The following KLHL2 variants were observed in gnomAD, a reference collection of about 807,000 sequenced individuals.
KLHL2 encodes the protein kelch like family member 2.
Under a neutral mutation model 75.8 loss-of-function variants are expected in KLHL2, and 15 were observed. The ratio of observed to expected loss-of-function variants is 0.20; its 90% CI spans 0.13 to 0.30. KLHL2 has a LOEUF of 0.30. KLHL2 is among the 10% of genes least tolerant of loss of function. The pLI, the probability that KLHL2 is intolerant of heterozygous loss-of-function variation, is 1.00. For missense variants in KLHL2, 381 were observed against 741.0 expected, an observed-to-expected ratio of 0.51 and a Z score of 5.64; for synonymous variants, 214 against 251.9, an observed-to-expected ratio of 0.85 and a Z score of 1.42.
In KLHL2 at chr4:165,263,185, T is replaced by C; in HGVS notation, c.382-12T>C. On this transcript the variant is annotated splice_polypyrimidine_tract_variant and intron_variant, in intron 4 of 14. Transcript: ENST00000226725. ...ACCCAAGTGCCTAAGAATATTGATG[T>C]GTGTGTTGCAGGTACTTCTCCCAGC... 1 of 1,612,302 alleles carries C rather than the reference T, an allele frequency of 6.2e-7. No homozygotes were observed. Among genetic ancestry groups the C allele is most frequent in the Non-Finnish European group, 8.5e-7 (1 of 1,178,682 alleles).
chr4:165,320,945 C>G (rs1409540285), intron 14 of KLHL2, among the ~76,000 whole-genome samples: 2 of 152,172 alleles, frequency 1.3e-5, no homozygotes, highest in Non-Finnish European at 2.9e-5. Context: ...TTCTTAACCA[C>G]TGCCAGACAA....
intron 3 of KLHL2, among the ~76,000 whole-genome samples, chr4:165,236,244 G>A (rs532597485): frequency 2.0e-5 from 3 of 152,308 alleles, no homozygotes; most frequent in South Asian, 4.1e-4. Flanking sequence ...ATAGCATAAT[G>A]TAGCTTCAGA....
At chr4:165,263,067 T>G (rs1220822653) in intron 4 of KLHL2, 130 bp from the exon 5 acceptor site, 1 of 653,280 alleles carries the variant, frequency 1.5e-6, no homozygotes, top group Middle Eastern at 4.2e-4. Flanking sequence ...ATATTTGTTT[T>G]CTAGGGAATA....
intron 6 of KLHL2, among the ~76,000 whole-genome samples, chr4:165,295,659 A>G (rs186631972): frequency 2.1e-4 from 32 of 152,316 alleles, no homozygotes; most frequent in African/African-American, 7.5e-4. Context: ...GTATATTTCA[A>G]GTCTTTTAAA....
intron 9 of KLHL2, among the ~76,000 whole-genome samples, chr4:165,307,631 A>G (rs1341035474): frequency 6.6e-6 from 1 of 151,974 alleles, no homozygotes; most frequent in African/African-American, 2.4e-5. Context: ...TTTGAGGAGG[A>G]CTGGTCAGAT....
chr4:165,223,640 A>T (rs1738189366), intron 2 of KLHL2, among the ~76,000 whole-genome samples: 1 of 152,212 alleles, frequency 6.6e-6, no homozygotes, highest in South Asian at 2.1e-4. Flanking sequence ...TCCTCTGGGC[A>T]GTGGGATTCA....
rs1736926201 is a variant in KLHL2 at position 165,207,774 on chromosome 4, G to A, written c.-103G>A. On this transcript the variant is annotated 5_prime_UTR_variant, in exon 1 of 15. Transcript: ENST00000226725. The surrounding 1 kb of genome is among the most constrained non-coding windows in gnomAD (Gnocchi z 4.2). ...AGAGCGCGGCGCCCCCTCCGGGGCG[G>A]ATGGAACGCGGCTCGGCGGGCGGGC... The A allele has an allele frequency of 1.9e-6, 2 of 1,070,624 alleles. No homozygotes were observed. The highest frequency in any genetic ancestry group is 1.7e-5 in the African/African-American group (1 of 59,730). 66.3% of individuals were successfully genotyped at this position (1,070,624 alleles called of 1,614,324 possible).
chr4:165,211,500 G>T (rs2110937678), intron 1 of KLHL2, among the ~76,000 whole-genome samples: 1 of 152,270 alleles, frequency 6.6e-6, no homozygotes, highest in Non-Finnish European at 1.5e-5. Flanking sequence ...CTGTGAATTT[G>T]GAACCTTGCT....
chr4:165,243,850 G>C (rs1245652724), intron 4 of KLHL2, among the ~76,000 whole-genome samples: 2 of 152,158 alleles, frequency 1.3e-5, no homozygotes, highest in Non-Finnish European at 2.9e-5. Flanking sequence ...CTTTAAGTTG[G>C]CTTAATCAAT....
intron 4 of KLHL2, among the ~76,000 whole-genome samples, chr4:165,239,265 T>C (rs7699110): frequency 0.15 from 11,944 of 79,434 alleles, 520 homozygotes; most frequent in Middle Eastern, 0.24. Flanking sequence ...TATTTCTGTC[T>C]TTTTTTTTTT....
At chr4:165,254,084 G>C (rs200469844) in intron 4 of KLHL2, among the ~76,000 whole-genome samples, 1,501 of 118,528 alleles carry the variant, frequency 0.013, no homozygotes, top group East Asian at 0.032. Context: ...TACTTGGTGT[G>C]GAAGTGTTCA....
intron 5 of KLHL2, among the ~76,000 whole-genome samples, chr4:165,290,677 C>G (rs985926932): frequency 1.3e-5 from 2 of 152,018 alleles, no homozygotes; most frequent in African/African-American, 4.8e-5. Flanking sequence ...TTTTTAAAAT[C>G]TATAATCCAG....
chr4:165,294,399 C>T lies in KLHL2; in HGVS notation c.585C>T (p.Leu195=). The T allele has an allele frequency of 1.2e-6, 2 of 1,611,962 alleles. No individual in the cohort carries two copies. The highest frequency in any genetic ancestry group is 1.1e-5 in the South Asian group (1 of 91,006). ...FADVVLSEEF[L]NLGIEQVCSL... is the part of the protein sequence containing the mutation. The stretch of plus-strand genomic sequence containing the variant: ...ATGTTGTACTTAGTGAAGAATTTCT[C>T]AATCTTGGCATCGAACAAGTGTGCA... Residue 195 remains leucine, a synonymous_variant, in exon 6 of 15, where the codon CTC becomes CTT. Coordinates refer to ENST00000226725, the MANE Select transcript of KLHL2 (RefSeq NM_007246.4).
At chr4:165,300,478 A>G (rs1745265193) in intron 8 of KLHL2, among the ~76,000 whole-genome samples, 1 of 152,038 alleles carries the variant, frequency 6.6e-6, no homozygotes, top group African/African-American at 2.4e-5. Context: ...ATATGTAGCC[A>G]TTTCAGCATA....
intron 5 of KLHL2, among the ~76,000 whole-genome samples, chr4:165,263,600 G>A (rs1380936052): frequency 6.7e-6 from 1 of 148,826 alleles, no homozygotes; most frequent in Non-Finnish European, 1.5e-5. Flanking sequence ...GAATAGCTAG[G>A]TTTTTTTGTT....
intron 1 of KLHL2, among the ~76,000 whole-genome samples, chr4:165,215,091 T>G (rs1737450842): frequency 6.6e-6 from 1 of 152,220 alleles, no homozygotes; most frequent in Admixed American, 6.5e-5. Context: ...ATTAGTCTAC[T>G]GTTTCCATAC....
intron 5 of KLHL2, among the ~76,000 whole-genome samples, chr4:165,274,533 C>T (rs1314946611): frequency 2.0e-5 from 3 of 150,500 alleles, no homozygotes; most frequent in African/African-American, 4.9e-5. Context: ...GGCCTGAACC[C>T]GGGAGGCGGA....
chr4:165,251,711 G>A (rs1740726186), intron 4 of KLHL2, among the ~76,000 whole-genome samples: 1 of 146,830 alleles, frequency 6.8e-6, no homozygotes, highest in African/African-American at 2.5e-5. Context: ...CCGGGTTCAC[G>A]CCATTCTCCT....
At chr4:165,312,701 A>T (rs891533003) in intron 11 of KLHL2, among the ~76,000 whole-genome samples, 3 of 152,030 alleles carry the variant, frequency 2.0e-5, no homozygotes, top group African/African-American at 7.2e-5. Flanking sequence ...TCACTTAGAG[A>T]TTTGCCTCTT....
Sources: gnomAD v4.1 joint callset for allele counts (sites outside exome capture counted in the v4.1 genomes callset) on GRCh38, gnomAD v4.1.1 for gene constraint, Gnocchi (gnomAD v3.1) non-coding constraint, MANE v1.5 for transcripts, NCBI Gene and HGNC (gene_info 2026-07-23, HGNC 2026-07-21) for gene names.